PLD3: variants seen among roughly 807,000 people sequenced by gnomAD.
PLD3 encodes 5'-3' exonuclease PLD3.
PLD3 carries 31 observed loss-of-function variants against 58.4 expected under a neutral mutation model. The ratio of observed to expected loss-of-function variants is 0.53; its 90% CI spans 0.40 to 0.72. The LOEUF (loss-of-function observed/expected upper bound fraction) is 0.72. Among genes scored for constraint, PLD3 ranks in the 30% least tolerant of loss-of-function variants. The pLI is 0.00. For missense variants in PLD3, 595 were observed against 659.8 expected, an observed-to-expected ratio of 0.90 and a Z score of 1.08; for synonymous variants, 264 against 273.4, an observed-to-expected ratio of 0.97 and a Z score of 0.34.
chr19:40,375,423 G>A (rs1444473125), intron 10 of PLD3, among the ~76,000 whole-genome samples: 3 of 151,696 alleles, frequency 2.0e-5, no homozygotes, highest in African/African-American at 7.3e-5. Flanking sequence ...GGCTGAGGCG[G>A]GTGGATCACG....
chr19:40,368,120 T>C (rs919536345), intron 6 of PLD3, among the ~76,000 whole-genome samples: 2 of 152,118 alleles, frequency 1.3e-5, no homozygotes, highest in African/African-American at 4.8e-5. Flanking sequence ...CAAGGGATTA[T>C]TAGGCTGGCA....
intron 1 of PLD3, among the ~76,000 whole-genome samples, chr19:40,352,837 C>T (rs975699190): frequency 3.9e-5 from 6 of 152,054 alleles, no homozygotes; most frequent in Admixed American, 3.3e-4. Flanking sequence ...GTGGCACACA[C>T]CTGTGGTTCC....
intron 1 of PLD3, chr19:40,357,487 A>C (rs963935481): frequency 1.3e-5 from 2 of 152,192 alleles, no homozygotes; most frequent in South Asian, 4.1e-4. Flanking sequence ...AGATGGCTTG[A>C]ATCAGCCTTG....
Position 40,378,423 on chromosome 19 carries a change from C to G in PLD3, c.*250C>G. ...GCATGCTGGGCCTGGCCCCCTGGCC[C>G]ACCCCCACTTTCCAGGGCAAAAAGG... On this transcript the variant is annotated 3_prime_UTR_variant, in exon 13 of 13. Transcript: ENST00000409735. The G allele has an allele frequency of 1.7e-6, 1 of 602,284 alleles. No homozygotes were observed. The highest frequency in any genetic ancestry group is 1.8e-5 in the South Asian group (1 of 54,654). The allele number at this position is 602,284 out of a possible 1,614,324, so 37.3% of individuals were successfully genotyped here.
At chr19:40,373,916 G>C (rs993578984) in intron 9 of PLD3, among the ~76,000 whole-genome samples, 5 of 150,172 alleles carry the variant, frequency 3.3e-5, no homozygotes, top group Non-Finnish European at 5.9e-5. Context: ...TTGAACCCAA[G>C]AGGCAGCAGA....
At chr19:40,355,029 G>T (rs2078619675) in intron 1 of PLD3, among the ~76,000 whole-genome samples, 2 of 151,242 alleles carry the variant, frequency 1.3e-5, no homozygotes, top group African/African-American at 4.9e-5. Context: ...AGTACAGATG[G>T]GGTTTCACCA....
intron 1 of PLD3, among the ~76,000 whole-genome samples, chr19:40,364,952 C>G (rs1011431478): frequency 2.0e-5 from 3 of 151,998 alleles, no homozygotes; most frequent in African/African-American, 7.3e-5. Context: ...GAACAGAACT[C>G]TGGCACTAAA....
intron 11 of PLD3, among the ~76,000 whole-genome samples, chr19:40,377,128 C>T (rs1321873280): frequency 8.4e-5 from 5 of 59,432 alleles, no homozygotes; most frequent in African/African-American, 3.0e-4. Context: ...GGTTGGAGGG[C>T]ACAGAGAGAG....
At chr19:40,375,559 A>T (rs2079173910) in intron 10 of PLD3, among the ~76,000 whole-genome samples, 2 of 151,154 alleles carry the variant, frequency 1.3e-5, no homozygotes, top group South Asian at 2.1e-4. Context: ...CTGAGGCAGG[A>T]GAATCGCTTG....
intron 12 of PLD3, 37 bp downstream of exon 12, chr19:40,377,922 G>C: frequency 4.3e-6 from 7 of 1,613,058 alleles, no homozygotes; most frequent in Non-Finnish European, 5.1e-6. Flanking sequence ...CTGAAGAAGA[G>C]GGGGTTCAGA....
intron 11 of PLD3, 22 bp downstream of exon 11, chr19:40,376,796 C>G: frequency 6.3e-7 from 1 of 1,593,374 alleles, no homozygotes; most frequent in Non-Finnish European, 8.5e-7. Flanking sequence ...CCCAAGCCAC[C>G]CCTTGGCCCC....
intron 6 of PLD3, 46 bp from the exon 7 acceptor site, chr19:40,369,837 CACCGGGCATTACCTTGTGGGGTTGG>C: frequency 7.1e-7 from 1 of 1,409,832 alleles, no homozygotes; most frequent in Non-Finnish European, 9.5e-7. Flanking sequence ...AAAATAACTC[CACCGGGCATTACCTTGTGGGGTTGG>C]AGAGCTGGCT....
chr19:40,376,574 G>A, intron 10 of PLD3, 35 bp from the exon 11 acceptor site: 2 of 1,592,500 alleles, frequency 1.3e-6, no homozygotes, highest in Middle Eastern at 1.9e-4. Flanking sequence ...GCCGCCCTCT[G>A]CATCCTGCCC....
At chr19:40,353,824 C>T (rs1231318978) in intron 1 of PLD3, among the ~76,000 whole-genome samples, 5 of 151,906 alleles carry the variant, frequency 3.3e-5, no homozygotes, top group Non-Finnish European at 2.9e-5. Context: ...ATGATCCGCC[C>T]GCCTTGGCCT....
chr19:40,348,983 C>A (rs2078408080), intron 1 of PLD3, among the ~76,000 whole-genome samples: 1 of 151,976 alleles, frequency 6.6e-6, no homozygotes, highest in African/African-American at 2.4e-5. Context: ...CTTAAATCCT[C>A]ACAACTCCTT....
chr19:40,374,509 G>T lies in PLD3; in HGVS notation c.908G>T (p.Gly303Val). The change falls in exon 10 of 13, where the codon GGC becomes GTC. Residue 303 changes from glycine (G) to valine (V), a missense_variant. Transcript: ENST00000409735. ...ASAPPPLCPSGRTPDLKALLN... is the reference protein window; with the variant it reads ...ASAPPPLCPSVRTPDLKALLN... Reference sequence around the variant, plus strand: ...GCGCCCCCACCCCTGTGTCCAAGTGGCCGCACTCCAGACCTGAAGGCTCTA... The same window carrying T: ...GCGCCCCCACCCCTGTGTCCAAGTGTCCGCACTCCAGACCTGAAGGCTCTA... The T allele has an allele frequency of 6.2e-7, 1 of 1,614,168 alleles. No homozygotes were observed. Among genetic ancestry groups the T allele is most frequent in the Non-Finnish European group, 8.5e-7 (1 of 1,180,030 alleles).
chr19:40,362,409 C>T lies in PLD3; in HGVS notation c.-278-3309C>T, dbSNP rs372839395. Among the ~76,000 whole-genome samples, 14 of 152,252 alleles carry T rather than the reference C, an allele frequency of 9.2e-5. No individual in the cohort carries two copies. In the East Asian group the frequency reaches 1.2e-3, roughly 13 times the overall value. ...TATTGTCTTGCCAGTCTCATCCAATCGAAATCACTTCTCCAGTACTAGTTT... is the reference window on the plus strand; with the variant it reads ...TATTGTCTTGCCAGTCTCATCCAATTGAAATCACTTCTCCAGTACTAGTTT... On this transcript the variant is annotated intron_variant, in intron 1 of 12. Transcript: ENST00000409735.
intron 8 of PLD3, chr19:40,370,492 G>T: frequency 3.0e-6 from 1 of 330,580 alleles, no homozygotes; most frequent in Non-Finnish European, 5.6e-6. Context: ...GGGCAACATA[G>T]TGAGACCCCA....
At chr19:40,363,100 A>G (rs1388180294) in intron 1 of PLD3, among the ~76,000 whole-genome samples, 1 of 151,994 alleles carries the variant, frequency 6.6e-6, no homozygotes, top group Non-Finnish European at 1.5e-5. Context: ...TGACCATCCC[A>G]GTTCTCCAGC....
Sources: allele counts gnomAD v4.1 joint callset (sites outside exome capture counted in the v4.1 genomes callset), GRCh38; gene constraint gnomAD v4.1.1; transcripts MANE v1.5; gene names NCBI Gene and HGNC (gene_info 2026-07-23, HGNC 2026-07-21).